NEURL1: variants seen among roughly 807,000 people sequenced by gnomAD.
The protein encoded by NEURL1 is neuralized E3 ubiquitin protein ligase 1.
A neutral mutation model predicts 41.2 loss-of-function variants in NEURL1; 26 were observed. That is an observed-to-expected ratio of 0.63 (90% confidence interval 0.46 to 0.87). NEURL1 has a LOEUF of 0.87. NEURL1 is among the 40% of genes least tolerant of loss of function. The pLI is 0.00. For synonymous variants in NEURL1, 400 were observed against 402.3 expected (o/e 0.99, Z 0.07); for missense variants, 761 against 871.1 (o/e 0.87, Z 1.59).
chr10:103,513,997 T>G (rs1310358897), intron 1 of NEURL1, among the ~76,000 whole-genome samples: 1 of 152,130 alleles, frequency 6.6e-6, no homozygotes, highest in Non-Finnish European at 1.5e-5. Context: ...TAGCCTTGGT[T>G]TCCCCCATCT....
chr10:103,494,373 C>A lies in NEURL1; in HGVS notation c.-15C>A. 6.4e-7 allele frequency: 1 copy of A among 1,573,688 alleles called. No individual in the cohort carries two copies. The highest frequency in any genetic ancestry group is 2.3e-5 in the East Asian group (1 of 42,654). ...CCCCCACCCGCGAGCGCCGAACCTC[C>A]TGGGGCCGGATGCCATGGGTAACAA... On this transcript the variant is annotated 5_prime_UTR_variant, in exon 1 of 6. The change creates a new upstream start codon in the 5' untranslated region. Transcript: ENST00000369780.
chr10:103,555,034 G>A (rs1031924768), intron 1 of NEURL1, among the ~76,000 whole-genome samples: 1 of 152,146 alleles, frequency 6.6e-6, no homozygotes, highest in African/African-American at 2.4e-5. Flanking sequence ...ATTTCAGGAA[G>A]CCTCCAGTCT....
intron 1 of NEURL1, among the ~76,000 whole-genome samples, chr10:103,539,819 G>A (rs2034779743): frequency 6.6e-6 from 1 of 152,212 alleles, no homozygotes; most frequent in Non-Finnish European, 1.5e-5. Context: ...ATTGTTGGGT[G>A]GACTTTGAAT....
chr10:103,552,861 A>G (rs1299055953), intron 1 of NEURL1, among the ~76,000 whole-genome samples: 5 of 152,198 alleles, frequency 3.3e-5, no homozygotes, highest in Non-Finnish European at 5.9e-5. Context: ...TGCCCAGCTC[A>G]GGAGCTCAGA....
chr10:103,550,849 C>T (rs2035018369), intron 1 of NEURL1: 1 of 152,124 alleles, frequency 6.6e-6, no homozygotes, highest in South Asian at 2.1e-4. Context: ...GTTTTATAGC[C>T]CGAAAATGGG....
chr10:103,525,768 A>T (rs779250271), intron 1 of NEURL1, among the ~76,000 whole-genome samples: 13 of 152,202 alleles, frequency 8.5e-5, no homozygotes, highest in African/African-American at 1.4e-4. Flanking sequence ...TCTGGCTAGT[A>T]CTTCCACTAC....
chr10:103,516,167 G>T (rs564726767), intron 1 of NEURL1, among the ~76,000 whole-genome samples: 1 of 147,776 alleles, frequency 6.8e-6, no homozygotes, highest in South Asian at 2.2e-4. Flanking sequence ...GGTGAAGGTT[G>T]CAGTGAGCTG....
At chr10:103,575,884 C>T (rs1592236135) in intron 3 of NEURL1, among the ~76,000 whole-genome samples, 1 of 152,368 alleles carries the variant, frequency 6.6e-6, no homozygotes, top group Non-Finnish European at 1.5e-5. Flanking sequence ...GAAAAAGAAG[C>T]TCCTATCCCA....
intron 1 of NEURL1, chr10:103,550,716 C>T (rs2035015610): frequency 6.6e-6 from 1 of 152,280 alleles, no homozygotes; most frequent in South Asian, 2.1e-4. Flanking sequence ...GTCTTCTCTC[C>T]TCTAAGCAAG....
intron 1 of NEURL1, among the ~76,000 whole-genome samples, chr10:103,517,568 A>G (rs1278989017): frequency 6.6e-6 from 1 of 152,064 alleles, no homozygotes; most frequent in African/African-American, 2.4e-5. Flanking sequence ...CCCAAATTTC[A>G]TCTCCTCTGT....
Position 103,501,618 on chromosome 10 carries a change from T to TTTATTATTATTATTATTATTATTATTA in NEURL1, c.85+7149_85+7175dup, listed in dbSNP as rs58396329. Among the ~76,000 whole-genome samples, 315 of 142,594 alleles carry TTTATTATTATTATTATTATTATTATTA rather than the reference T, an allele frequency of 2.2e-3. 2 individuals are homozygous for TTTATTATTATTATTATTATTATTATTA. Among genetic ancestry groups the TTTATTATTATTATTATTATTATTATTA allele is most frequent in the South Asian group, 4.6e-3 (20 of 4,340 alleles). The allele number at this position is 142,594 out of a possible 152,430, so 93.5% of individuals were successfully genotyped here. ...AGAGGTAGGTATTATTCCCACTTTA[T>TTTATTATTATTATTATTATTATTATTA]TTATTATTATTATTATTATTATTAT... On this transcript the variant is annotated intron_variant, in intron 1 of 5. Coordinates refer to ENST00000369780, the MANE Select transcript of NEURL1 (RefSeq NM_004210.5).
In NEURL1 at chr10:103,590,509, G is replaced by A; in HGVS notation, c.*137G>A. 1.5e-6 allele frequency: 1 copy of A among 681,402 alleles called. No individual in the cohort carries two copies. The highest frequency in any genetic ancestry group is 1.9e-5 in the South Asian group (1 of 53,564). 42.2% of individuals were successfully genotyped at this position (681,402 alleles called of 1,614,324 possible). A position where few individuals can be genotyped will look rare whatever the true frequency, so the allele number is the denominator to read the frequency against. On this transcript the variant is annotated 3_prime_UTR_variant, in exon 6 of 6. Coordinates refer to ENST00000369780, the MANE Select transcript of NEURL1 (RefSeq NM_004210.5). Reference sequence around the variant, plus strand: ...CCTCTATTAAACATGGGAAACTGAAGCCCTTGAAGGTTTGGGGAGAGGGGG... The same window carrying A: ...CCTCTATTAAACATGGGAAACTGAAACCCTTGAAGGTTTGGGGAGAGGGGG...
intron 1 of NEURL1, among the ~76,000 whole-genome samples, chr10:103,503,431 T>C (rs1274893799): frequency 6.6e-6 from 1 of 152,194 alleles, no homozygotes; most frequent in South Asian, 2.1e-4. Context: ...GCTTTTTCTC[T>C]GCTCTAGTGA....
At chr10:103,550,106 G>C (rs2035002994) in intron 1 of NEURL1, among the ~76,000 whole-genome samples, 1 of 152,202 alleles carries the variant, frequency 6.6e-6, no homozygotes, top group Non-Finnish European at 1.5e-5. Context: ...TGCTGGCTCT[G>C]CCTTAGACTT....
chr10:103,571,811 T>G lies in NEURL1; in HGVS notation c.638T>G (p.Val213Gly), dbSNP rs1359882585. 1 of 1,602,020 alleles carries G rather than the reference T, an allele frequency of 6.2e-7. No homozygotes were observed. Among genetic ancestry groups the G allele is most frequent in the Admixed American group, 1.7e-5 (1 of 59,586 alleles). The change falls in exon 3 of 6, where the codon GTC (valine) becomes GGC (glycine). Residue 213 changes from valine (V) to glycine (G), a missense_variant. Val to Gly is a moderately radical substitution (Grantham distance 109). This residue lies in a region of NEURL1 where 114 missense variants were observed against 144.8 expected (regional missense o/e 0.79). Transcript: ENST00000369780. Reference protein sequence around the residue: ...LVDVYGLTRGVQLLDSELVLP... With the variant: ...LVDVYGLTRGGQLLDSELVLP... ...GACGTCTACGGCCTCACGCGGGGCG[T>G]CCAGCTGCTTGGTGAGTGCCTGCCC...
At chr10:103,562,006 G>A (rs183553659) in intron 1 of NEURL1, among the ~76,000 whole-genome samples, 1 of 152,200 alleles carries the variant, frequency 6.6e-6, no homozygotes, top group Admixed American at 6.5e-5. Flanking sequence ...GTAGATAGAA[G>A]AATCAAACAC....
intron 1 of NEURL1, among the ~76,000 whole-genome samples, chr10:103,520,360 T>A (rs942506177): frequency 3.3e-5 from 5 of 151,672 alleles, no homozygotes; most frequent in African/African-American, 1.2e-4. Flanking sequence ...GGGTGGGTAG[T>A]GGAAAATTAC....
At chr10:103,504,924 A>T (rs1364928788) in intron 1 of NEURL1, among the ~76,000 whole-genome samples, 1 of 152,156 alleles carries the variant, frequency 6.6e-6, no homozygotes, top group Non-Finnish European at 1.5e-5. Context: ...CAGTTCCTAG[A>T]TGGGAAGCTA....
At chr10:103,547,485 C>T (rs557074414) in intron 1 of NEURL1, among the ~76,000 whole-genome samples, 1 of 152,322 alleles carries the variant, frequency 6.6e-6, no homozygotes, top group East Asian at 1.9e-4. Context: ...AAGTGGAGGC[C>T]AAGTCAGCTG....
Sources: gnomAD v4.1 joint callset for allele counts (sites outside exome capture counted in the v4.1 genomes callset) on GRCh38, gnomAD v4.1.1 for gene constraint, gnomAD v4.1.1 regional missense constraint, MANE v1.5 for transcripts, NCBI Gene and HGNC (gene_info 2026-07-23, HGNC 2026-07-21) for gene names.